The following IMMP2L variants were observed in gnomAD, a reference collection of about 807,000 sequenced individuals.
The protein encoded by IMMP2L is mitochondrial inner membrane protease subunit 2.
A neutral mutation model predicts 19.3 loss-of-function variants in IMMP2L; 18 were observed. The ratio of observed to expected loss-of-function variants is 0.93; its 90% CI spans 0.64 to 1.38. The LOEUF is 1.38. IMMP2L is among the 40% of genes most tolerant of loss of function. The pLI is 0.00. For synonymous variants in IMMP2L, 76 were observed against 73.0 expected (o/e 1.04, Z -0.21); for missense variants, 233 against 218.2 (o/e 1.07, Z -0.43).
At chr7:111,243,522 T>TC (rs1815444739) in intron 3 of IMMP2L, among the ~76,000 whole-genome samples, 1 of 150,974 alleles carries the variant, frequency 6.6e-6, no homozygotes, top group African/African-American at 2.4e-5. Flanking sequence ...TTATTTTTTT[T>TC]TTTTTTATTA....
At chr7:111,467,966 T>C (rs1238741834) in intron 3 of IMMP2L, among the ~76,000 whole-genome samples, 1 of 152,162 alleles carries the variant, frequency 6.6e-6, no homozygotes, top group East Asian at 1.9e-4. Flanking sequence ...AAAAATATGT[T>C]GCACTTTAGA....
chr7:111,512,666 G>A (rs1281332721), intron 2 of IMMP2L, among the ~76,000 whole-genome samples: 6 of 151,868 alleles, frequency 4.0e-5, no homozygotes, highest in African/African-American at 1.5e-4. Context: ...TCTTAAGCAA[G>A]AAGAACAAAG....
At chr7:111,380,144 C>A (rs1447309101) in intron 3 of IMMP2L, among the ~76,000 whole-genome samples, 1 of 151,808 alleles carries the variant, frequency 6.6e-6, no homozygotes, top group African/African-American at 2.4e-5. Context: ...AATTTGAAGG[C>A]ACTTCACAGT....
chr7:111,085,000 G>A lies in IMMP2L; in HGVS notation c.240-121435C>T, dbSNP rs115432984. Among the ~76,000 whole-genome samples the A allele has an allele frequency of 5.6e-3, 859 of 152,258 alleles. 14 individuals are homozygous for A. The highest frequency in any genetic ancestry group is 0.02 in the African/African-American group (825 of 41,546). On this transcript the variant is annotated intron_variant, in intron 3 of 5. Transcript: ENST00000405709. ...ATATTGTTTCACATCGCTAGAAAAG[G>A]AGTAAAAGTCAATCCCCTGAGTGAA... is the stretch of plus-strand genomic sequence containing the variant.
chr7:110,808,787 G>A (rs781518185), intron 5 of IMMP2L, among the ~76,000 whole-genome samples: 8 of 152,146 alleles, frequency 5.3e-5, no homozygotes, highest in East Asian at 1.9e-4. Flanking sequence ...ACATAGAGAC[G>A]TGAAAACTGG....
intron 5 of IMMP2L, among the ~76,000 whole-genome samples, chr7:110,878,174 C>G (rs77600326): frequency 0.014 from 2,188 of 152,148 alleles, 55 homozygotes; most frequent in African/African-American, 0.049. Context: ...TAGAGATACT[C>G]AGGAAAACAC....
intron 3 of IMMP2L, among the ~76,000 whole-genome samples, chr7:111,460,139 G>C (rs1840013518): frequency 6.6e-6 from 1 of 152,104 alleles, no homozygotes; most frequent in Non-Finnish European, 1.5e-5. Flanking sequence ...CAGGGAGAGA[G>C]GGTAGCCAGA....
rs991309059 is a variant in IMMP2L, at chr7:110,871,029, G to A, written c.408+15564C>T. On this transcript the variant is annotated intron_variant, in intron 5 of 5. Coordinates refer to ENST00000405709, the MANE Select transcript of IMMP2L (RefSeq NM_032549.4). ...CAGCAGTAGAGATGGAATAAAGCAC[G>A]TGACTCTAGGACGTTGGTGGAAGAG... 7.2e-5 allele frequency among the ~76,000 whole-genome samples: 11 copies of A among 152,070 alleles called. No homozygotes were observed. In the East Asian group the frequency reaches 7.8e-4, roughly 11 times the overall value.
chr7:110,768,101 A>C (rs1338583851), intron 5 of IMMP2L, among the ~76,000 whole-genome samples: 2 of 152,140 alleles, frequency 1.3e-5, no homozygotes, highest in Non-Finnish European at 2.9e-5. Context: ...TGCTGTAACT[A>C]AAACAGATAA....
intron 3 of IMMP2L, among the ~76,000 whole-genome samples, chr7:111,286,009 G>A (rs1450969557): frequency 6.6e-6 from 1 of 152,148 alleles, no homozygotes; most frequent in Non-Finnish European, 1.5e-5. Flanking sequence ...GCTTACACTT[G>A]TAGGTTGTTA....
intron 3 of IMMP2L, among the ~76,000 whole-genome samples, chr7:111,286,006 C>T (rs1196844025): frequency 6.6e-6 from 1 of 152,152 alleles, no homozygotes; most frequent in Non-Finnish European, 1.5e-5. Context: ...AAAGCTTACA[C>T]TTGTAGGTTG....
In IMMP2L at chr7:111,193,235, G is replaced by C. The variant is rs140765550; in HGVS notation, c.240-229670C>G. 3.3e-5 allele frequency among the ~76,000 whole-genome samples: 5 copies of C among 152,232 alleles called. No individual in the cohort carries two copies. In the East Asian group the frequency reaches 9.7e-4, roughly 29 times the overall value. On this transcript the variant is annotated intron_variant, in intron 3 of 5. Transcript: ENST00000405709. The stretch of plus-strand genomic sequence containing the variant: ...AGAAATTAAAATACAAAAGAAAGTC[G>C]ATGGGTGTCTGTGCAAGCTCTTGCA...
intron 5 of IMMP2L, among the ~76,000 whole-genome samples, chr7:110,785,936 T>C (rs1461431645): frequency 6.6e-6 from 1 of 151,894 alleles, no homozygotes; most frequent in Non-Finnish European, 1.5e-5. Flanking sequence ...TTCTGATTCC[T>C]TGAAAGGGAG....
At chr7:111,454,466 A>C (rs1389471822) in intron 3 of IMMP2L, among the ~76,000 whole-genome samples, 6 of 152,126 alleles carry the variant, frequency 3.9e-5, no homozygotes, top group Non-Finnish European at 8.8e-5. Context: ...AACCCCATTA[A>C]AAAATGGGAA....
intron 3 of IMMP2L, among the ~76,000 whole-genome samples, chr7:111,372,552 G>T (rs1384898887): frequency 6.6e-6 from 1 of 151,922 alleles, no homozygotes; most frequent in Non-Finnish European, 1.5e-5. Context: ...GAAGAGAGAT[G>T]GAGCTGACTG....
At chr7:110,717,243 G>A (rs1194792093) in intron 5 of IMMP2L, among the ~76,000 whole-genome samples, 10 of 152,186 alleles carry the variant, frequency 6.6e-5, no homozygotes, top group African/African-American at 2.2e-4. Context: ...TTGGGAGGCC[G>A]AGGCGGGCGG....
At chr7:111,320,555 T>C (rs888486676) in intron 3 of IMMP2L, among the ~76,000 whole-genome samples, 2 of 152,056 alleles carry the variant, frequency 1.3e-5, no homozygotes, top group African/African-American at 2.4e-5. Context: ...CCAAACTCTT[T>C]AACACTGTTT....
intron 3 of IMMP2L, among the ~76,000 whole-genome samples, chr7:111,405,320 A>G (rs1833816520): frequency 6.6e-6 from 1 of 152,136 alleles, no homozygotes; most frequent in South Asian, 2.1e-4. Context: ...CACAGAGACC[A>G]GCTAAAAGTT....
chr7:110,917,944 G>T (rs1322498082), intron 4 of IMMP2L, among the ~76,000 whole-genome samples: 1 of 152,006 alleles, frequency 6.6e-6, no homozygotes, highest in African/African-American at 2.4e-5. Flanking sequence ...AAATTATTAG[G>T]TACTACTAGA....
Sources: allele counts gnomAD v4.1 joint callset (sites outside exome capture counted in the v4.1 genomes callset), GRCh38; gene constraint gnomAD v4.1.1; transcripts MANE v1.5; gene names NCBI Gene and HGNC (gene_info 2026-07-23, HGNC 2026-07-21).